Variants in ZNF143 observed in about 807,000 individuals in gnomAD.
ZNF143 encodes SPH-binding factor.
A neutral mutation model predicts 74.1 loss-of-function variants in ZNF143; 49 were observed. The ratio of observed to expected loss-of-function variants is 0.66; its 90% CI spans 0.53 to 0.84. The LOEUF (loss-of-function observed/expected upper bound fraction) is 0.84. ZNF143 is among the 40% of genes least tolerant of loss of function. The pLI is 0.00. For synonymous variants in ZNF143, 304 were observed against 282.8 expected, an observed-to-expected ratio of 1.07 and a Z score of -0.75; for missense variants, 637 against 793.4, an observed-to-expected ratio of 0.80 and a Z score of 2.37.
intron 1 of ZNF143, among the ~76,000 whole-genome samples, chr11:9,463,459 T>C (rs756688345): frequency 6.6e-5 from 10 of 152,226 alleles, no homozygotes; most frequent in Non-Finnish European, 1.3e-4. Context: ...TCAGTCTTTT[T>C]GATTATAGTT....
chr11:9,525,269 A>G lies in ZNF143; in HGVS notation c.1716A>G (p.Ala572=). 6.2e-7 allele frequency: 1 copy of G among 1,614,196 alleles called. No homozygotes were observed. Among genetic ancestry groups the G allele is most frequent in the Non-Finnish European group, 8.5e-7 (1 of 1,180,042 alleles). Residue 572 remains alanine, a synonymous_variant, in exon 15 of 16, where the codon GCA becomes GCG. Transcript: ENST00000396602. The part of the protein sequence containing the change: ...QVAIVAQDLA[A]FHTASSEMGH... ...CAATTGTAGCTCAAGACTTGGCAGCATTCCATACTGCCTCATCAGAAATGG... is the reference window on the plus strand; with the variant it reads ...CAATTGTAGCTCAAGACTTGGCAGCGTTCCATACTGCCTCATCAGAAATGG...
rs1849200234 is a variant in ZNF143 at position 9,528,471 on chromosome 11, T to C, written c.*858T>C. 6.6e-6 allele frequency: 1 copy of C among 152,190 alleles called. No homozygotes were observed. The highest frequency in any genetic ancestry group is 1.5e-5 in the Non-Finnish European group (1 of 68,036). 9.4% of individuals were successfully genotyped at this position (152,190 alleles called of 1,614,324 possible). On this transcript the variant is annotated 3_prime_UTR_variant, in exon 16 of 16. Transcript: ENST00000396602. ...GCTTATGTACTTTTGTTTTAAAGCT[T>C]ATTTACCCCAAAGTTTATTATTAAT... is the stretch of plus-strand genomic sequence containing the variant.
At chr11:9,474,067 C>T in intron 4 of ZNF143, 43 bp downstream of exon 4, 2 of 1,500,972 alleles carry the variant, frequency 1.3e-6, no homozygotes, top group East Asian at 2.3e-5. Context: ...TTTTAATTCT[C>T]AGCTTTTAGT....
At chr11:9,475,806 A>G (rs867579124) in intron 5 of ZNF143, among the ~76,000 whole-genome samples, 57 of 152,060 alleles carry the variant, frequency 3.7e-4, no homozygotes, top group African/African-American at 1.3e-3. Flanking sequence ...CTGAGGCAGG[A>G]GAATCGCTTG....
At chr11:9,469,306 A>G (rs1218817147) in intron 1 of ZNF143, among the ~76,000 whole-genome samples, 1 of 133,734 alleles carries the variant, frequency 7.5e-6, no homozygotes, top group Non-Finnish European at 1.5e-5. Context: ...ATCTCGGCTC[A>G]CTGCAACCTC....
At chr11:9,500,552 G>A (rs1392031363) in intron 10 of ZNF143, among the ~76,000 whole-genome samples, 1 of 151,888 alleles carries the variant, frequency 6.6e-6, no homozygotes, top group African/African-American at 2.4e-5. Flanking sequence ...TCCCGCCTCA[G>A]CCTCTCGAGT....
chr11:9,471,192 T>C, intron 1 of ZNF143, 110 bp from the exon 2 acceptor site: 7 of 867,294 alleles, frequency 8.1e-6, no homozygotes, highest in Non-Finnish European at 1.2e-5. Context: ...TCATCTTATT[T>C]CCAACACCAT....
intron 10 of ZNF143, among the ~76,000 whole-genome samples, chr11:9,498,684 C>G (rs1277494774): frequency 6.6e-6 from 1 of 152,156 alleles, no homozygotes; most frequent in Non-Finnish European, 1.5e-5. Flanking sequence ...AAAAAAAGTT[C>G]AGCAGCTGTT....
In ZNF143 at chr11:9,479,488, G is replaced by T. The variant is rs762494836; in HGVS notation, c.587G>T (p.Ser196Ile). The change falls in exon 7 of 16, where the codon AGT (serine) becomes ATT (isoleucine). Residue 196 changes from serine (S) to isoleucine (I), a missense_variant. This residue lies in a region of ZNF143 where 293 missense variants were observed against 307.8 expected (regional missense o/e 0.95). Coordinates refer to ENST00000396602, the MANE Select transcript of ZNF143 (RefSeq NM_003442.6). ...TTCCTATAGGTGTCCATTGATGGAAGTGAAAGTGTAGCAGGTACTGGAATG... is the reference window on the plus strand; with the variant it reads ...TTCCTATAGGTGTCCATTGATGGAATTGAAAGTGTAGCAGGTACTGGAATG... ...QYAAKVSIDG[S>I]ESVAGTGMIG... The T allele has an allele frequency of 1.9e-6, 3 of 1,613,080 alleles. No homozygotes were observed. The highest frequency in any genetic ancestry group is 1.7e-5 in the Admixed American group (1 of 59,894).
chr11:9,492,158 T>C (rs575159677), intron 7 of ZNF143, among the ~76,000 whole-genome samples: 1 of 146,228 alleles, frequency 6.8e-6, no homozygotes, highest in Admixed American at 7.2e-5. Flanking sequence ...TTTCCCAGGC[T>C]GGAGTGCAGT....
intron 1 of ZNF143, among the ~76,000 whole-genome samples, chr11:9,466,614 T>A (rs1353914008): frequency 1.3e-5 from 2 of 151,918 alleles, no homozygotes; most frequent in East Asian, 3.9e-4. Flanking sequence ...TCCTTTTTTT[T>A]ATTTTCCGTA....
intron 7 of ZNF143, among the ~76,000 whole-genome samples, chr11:9,486,423 T>TATATATTATATATATTATATATATA (rs1847532866): frequency 2.6e-5 from 1 of 38,084 alleles, no homozygotes; most frequent in African/African-American, 8.8e-5. Context: ...ATATATATTA[T>TATATATTATATATATTATATATATA]ATATATTATA....
rs369386282 is a variant in ZNF143 at position 9,518,843 on chromosome 11, G to A, written c.1686+2481G>A. 1.5e-4 allele frequency among the ~76,000 whole-genome samples: 23 copies of A among 152,102 alleles called. No homozygotes were observed. The East Asian group carries it at 1.7e-3, about 11-fold the overall frequency. The stretch of plus-strand genomic sequence containing the variant: ...TATTTTTCAGAAAGGTTTAGTAATC[G>A]TGTTATGGATCTAAAAGCTTTCTTT... On this transcript the variant is annotated intron_variant, in intron 14 of 15. Transcript: ENST00000396602.
intron 14 of ZNF143, among the ~76,000 whole-genome samples, chr11:9,524,886 A>T (rs970153369): frequency 1.3e-5 from 2 of 152,228 alleles, no homozygotes; most frequent in Admixed American, 1.3e-4. Context: ...CTCAGGAAAA[A>T]AAAATGGACA....
Position 9,501,151 on chromosome 11 carries a change from TCAG to T in ZNF143, c.1029_1031del (p.Arg344del). 6.2e-7 allele frequency: 1 copy of T among 1,614,144 alleles called. No individual in the cohort carries two copies. Among genetic ancestry groups the T allele is most frequent in the East Asian group, 2.2e-5 (1 of 44,890 alleles). On this transcript the variant is annotated inframe_deletion, in exon 11 of 16. Transcript: ENST00000396602. ...GGTCGGTCCTTTACAACATCAAATATCAGAAAAGTGCACGTTAGGACACACACA... is the reference window on the plus strand; with the variant it reads ...GGTCGGTCCTTTACAACATCAAATATAAAAGTGCACGTTAGGACACACACA...
intron 5 of ZNF143, among the ~76,000 whole-genome samples, chr11:9,477,812 CTTTG>C (rs1049542714): frequency 3.9e-5 from 6 of 151,914 alleles, no homozygotes; most frequent in East Asian, 1.9e-4. Context: ...AGTGTTTTTT[CTTTG>C]TTTGTTTTTG....
chr11:9,512,359 A>C (rs1350921999), intron 12 of ZNF143, 89 bp from the exon 13 acceptor site: 2 of 1,475,022 alleles, frequency 1.4e-6, no homozygotes, highest in African/African-American at 2.8e-5. Context: ...CATTTTAATT[A>C]TGTAATTTTC....
chr11:9,472,241 G>C (rs990309891), intron 2 of ZNF143, among the ~76,000 whole-genome samples: 4 of 151,550 alleles, frequency 2.6e-5, no homozygotes, highest in African/African-American at 9.7e-5. Flanking sequence ...TTTTTGGTAA[G>C]TGCTAAATCT....
intron 7 of ZNF143, among the ~76,000 whole-genome samples, 163 bp from the exon 8 acceptor site, chr11:9,494,483 T>C (rs1847890501): frequency 2.0e-5 from 3 of 152,070 alleles, no homozygotes; most frequent in South Asian, 2.1e-4. Context: ...CTTTGTAATA[T>C]TTTGTTGTAT....
Sources: gnomAD v4.1 joint callset for allele counts (sites outside exome capture counted in the v4.1 genomes callset) on GRCh38, gnomAD v4.1.1 for gene constraint, gnomAD v4.1.1 regional missense constraint, MANE v1.5 for transcripts, NCBI Gene and HGNC (gene_info 2026-07-23, HGNC 2026-07-21) for gene names.